Variants in SLC35D4 observed in about 807,000 individuals in gnomAD.
SLC35D4 encodes the protein solute carrier family 35 member D4, also known as UDP-N-acetylglucosamine transporter SLC35D4.
At chr18:23,276,821 A>T in the SLC35D4 span, among the ~76,000 whole-genome samples, 1 of 152,144 alleles carries the variant, frequency 6.6e-6, no homozygotes, top group African/African-American at 2.4e-5. Context: ...CAGGAGTGGT[A>T]GCCAAAGAGA....
the SLC35D4 span, among the ~76,000 whole-genome samples, chr18:23,364,919 A>ATTG: frequency 2.7e-4 from 1 of 3,742 alleles, no homozygotes; most frequent in African/African-American, 3.1e-4. Context: ...AAAAAAAAAA[A>ATTG]AAAAAAAAAA....
the SLC35D4 span, among the ~76,000 whole-genome samples, chr18:23,409,616 G>A: frequency 2.8e-3 from 430 of 152,226 alleles, 3 homozygotes; most frequent in South Asian, 0.022. Context: ...CCAAGGCAGA[G>A]GATCACCTGA....
the SLC35D4 span, among the ~76,000 whole-genome samples, chr18:23,411,882 T>G: frequency 6.6e-6 from 1 of 152,216 alleles, no homozygotes; most frequent in South Asian, 2.1e-4. Flanking sequence ...GAGCATGCAT[T>G]ATTGAGAGAA....
At chr18:23,268,545 G>C in the SLC35D4 span, among the ~76,000 whole-genome samples, 14 of 151,988 alleles carry the variant, frequency 9.2e-5, no homozygotes, top group South Asian at 2.9e-3. Context: ...GTCAAGGTTC[G>C]AGAGTCACAG....
chr18:23,309,086 A>T, the SLC35D4 span, among the ~76,000 whole-genome samples: 2 of 152,164 alleles, frequency 1.3e-5, no homozygotes, highest in Non-Finnish European at 2.9e-5. Context: ...TAGTTGTTAT[A>T]CTGTACTGTT....
At chr18:23,418,202 A>T in the SLC35D4 span, among the ~76,000 whole-genome samples, 1 of 152,098 alleles carries the variant, frequency 6.6e-6, no homozygotes, top group Non-Finnish European at 1.5e-5. Context: ...CTAAGCATAC[A>T]GTGTGGAATA....
the SLC35D4 span, among the ~76,000 whole-genome samples, chr18:23,349,486 C>T: frequency 6.6e-6 from 1 of 152,166 alleles, no homozygotes; most frequent in Non-Finnish European, 1.5e-5. Context: ...AAAATATCAG[C>T]CAGGCGTGGT....
chr18:23,302,793 T>C, the SLC35D4 span, among the ~76,000 whole-genome samples: 3 of 152,206 alleles, frequency 2.0e-5, no homozygotes, highest in Non-Finnish European at 4.4e-5. Context: ...GAGGCCATGG[T>C]GGATTGGAGA....
At chr18:23,421,310 A>T in the SLC35D4 span, 1 of 1,393,776 alleles carries the variant, frequency 7.2e-7, no homozygotes, top group South Asian at 1.2e-5. Flanking sequence ...AAATTATATA[A>T]TATCAAAAGC....
chr18:23,261,394 G>A, the SLC35D4 span, among the ~76,000 whole-genome samples: 1 of 152,114 alleles, frequency 6.6e-6, no homozygotes, highest in Middle Eastern at 3.2e-3. Flanking sequence ...CCAGCACTCT[G>A]GGAGGCCGAG....
At chr18:23,349,352 G>T in the SLC35D4 span, among the ~76,000 whole-genome samples, 2 of 152,144 alleles carry the variant, frequency 1.3e-5, no homozygotes, top group East Asian at 1.9e-4. Flanking sequence ...CTGTTTTTTG[G>T]CCAGGCACGG....
At chr18:23,377,776 A>G in the SLC35D4 span, 2 of 1,033,832 alleles carry the variant, frequency 1.9e-6, no homozygotes, top group Non-Finnish European at 1.3e-6. Context: ...GAGTAGATTT[A>G]TCAAGAGCTT....
At chr18:23,368,668 T>C in the SLC35D4 span, 1 of 1,138,816 alleles carries the variant, frequency 8.8e-7, no homozygotes, top group African/African-American at 1.6e-5. Flanking sequence ...AAAATAAAAA[T>C]CCATTAGGAT....
the SLC35D4 span, among the ~76,000 whole-genome samples, chr18:23,419,949 T>G: frequency 6.6e-6 from 1 of 152,194 alleles, no homozygotes. Context: ...TGTATGCATA[T>G]ACATATATAC....
the SLC35D4 span, among the ~76,000 whole-genome samples, chr18:23,371,935 G>GTTTTTTGTTTT: frequency 1.4e-4 from 5 of 35,472 alleles, no homozygotes; most frequent in South Asian, 1.5e-3. Context: ...TGTTTTTTTT[G>GTTTTTTGTTTT]TTTTTTTTTT....
chr18:23,411,483 TAGA>T, the SLC35D4 span, among the ~76,000 whole-genome samples: 1 of 91,730 alleles, frequency 1.1e-5, no homozygotes, highest in South Asian at 4.0e-4. Context: ...AAGAAAGAGA[TAGA>T]AAGAAAGAAA....
chr18:23,430,763 C>T, the SLC35D4 span: 8 of 1,217,002 alleles, frequency 6.6e-6, no homozygotes, highest in African/African-American at 1.5e-5. Context: ...TATTAAAAAA[C>T]ATAACCACAT....
the SLC35D4 span, among the ~76,000 whole-genome samples, chr18:23,339,490 C>A: frequency 3.9e-5 from 6 of 152,304 alleles, no homozygotes; most frequent in East Asian, 1.2e-3. Flanking sequence ...ATACCAGATA[C>A]AATAGTCAGC....
At chr18:23,323,197 A>AC in the SLC35D4 span, among the ~76,000 whole-genome samples, 1 of 152,238 alleles carries the variant, frequency 6.6e-6, no homozygotes, top group African/African-American at 2.4e-5. Context: ...CAATAAAAGC[A>AC]CCATAATTAT....
Sources: gnomAD v4.1 joint callset for allele counts (sites outside exome capture counted in the v4.1 genomes callset) on GRCh38, gnomAD v4.1.1 for gene constraint, MANE v1.5 for transcripts, NCBI Gene and HGNC (gene_info 2026-07-23, HGNC 2026-07-21) for gene names.